FILIP1: variants seen among roughly 807,000 people sequenced by gnomAD.
The protein encoded by FILIP1 is filamin A interacting protein 1, also known as filamin-A-interacting protein 1.
A neutral mutation model predicts 102.1 loss-of-function variants in FILIP1; 61 were observed. That is an observed-to-expected ratio of 0.60 (90% confidence interval 0.49 to 0.74). The LOEUF (loss-of-function observed/expected upper bound fraction) is 0.74, where lower values mean the gene tolerates loss of function less well. Ranked by LOEUF, FILIP1 falls within the 30% of genes least tolerant of loss-of-function variation. The probability of loss-of-function intolerance (pLI) is 0.00; values close to 1 mark genes in which losing one functional copy is unlikely to be tolerated. For synonymous variants in FILIP1, 491 were observed against 526.9 expected (o/e 0.93, Z 0.93); for missense variants, 1,314 against 1,441.2 (o/e 0.91, Z 1.43).
chr6:75,435,562 T>A (rs1164926416), intron 1 of FILIP1, among the ~76,000 whole-genome samples: 1 of 152,190 alleles, frequency 6.6e-6, no homozygotes, highest in Non-Finnish European at 1.5e-5. Flanking sequence ...TTATGGCCTC[T>A]CAAACTCTGC....
At chr6:75,362,720 G>A (rs1383227193) in intron 3 of FILIP1, 24 bp downstream of exon 3, 1 of 1,607,130 alleles carries the variant, frequency 6.2e-7, no homozygotes, top group East Asian at 2.2e-5. Context: ...CCATCCAGGG[G>A]ACTTGTTGGT....
At chr6:75,337,808 G>A (rs796782045) in intron 4 of FILIP1, among the ~76,000 whole-genome samples, 2 of 152,170 alleles carry the variant, frequency 1.3e-5, no homozygotes, top group African/African-American at 2.4e-5. Context: ...TACAGATTCC[G>A]GGAGAAGTGA....
At position 75,308,954 on chromosome 6, in the gene FILIP1, A is replaced by G; in HGVS notation, c.3436-57T>C. 11 of 1,585,980 alleles carry G rather than the reference A, an allele frequency of 6.9e-6. 1 individual carries two copies. In the South Asian group the frequency reaches 1.2e-4, roughly 18 times the overall value. Reference sequence around the variant, plus strand: ...AGATGTTGGTGAGTTTCCTCTGGATATGCCATCAATCTGAACATTAGTGGG... The same window carrying G: ...AGATGTTGGTGAGTTTCCTCTGGATGTGCCATCAATCTGAACATTAGTGGG... On this transcript the variant is annotated intron_variant, in intron 5 of 5. Coordinates refer to ENST00000237172, the MANE Select transcript of FILIP1 (RefSeq NM_015687.5).
chr6:75,437,728 T>TCTGC (rs768811271), intron 1 of FILIP1, among the ~76,000 whole-genome samples: 10 of 152,154 alleles, frequency 6.6e-5, no homozygotes, highest in Non-Finnish European at 1.3e-4. Flanking sequence ...GAGAACATGT[T>TCTGC]TGAGCTGGGG....
rs894107026 is a variant in FILIP1, at chr6:75,326,642, C to T, written c.630-11440G>A. On this transcript the variant is annotated intron_variant, in intron 4 of 5. Transcript: ENST00000237172. ...TATTATTTCATTTAATTTTCATTCC[C>T]TTTGAGCAAGGCAATACTATACCAT... Among the ~76,000 whole-genome samples the T allele has an allele frequency of 3.9e-5, 6 of 152,262 alleles. No individual in the cohort carries two copies. In the East Asian group the frequency reaches 9.6e-4, roughly 24 times the overall value.
chr6:75,432,537 T>A (rs1777858791), intron 1 of FILIP1, among the ~76,000 whole-genome samples: 1 of 152,196 alleles, frequency 6.6e-6, no homozygotes, highest in African/African-American at 2.4e-5. Flanking sequence ...TCAACTTTTA[T>A]TTTAGTTTAT....
At chr6:75,419,963 G>C (rs1470394830) in intron 1 of FILIP1, among the ~76,000 whole-genome samples, 3 of 152,186 alleles carry the variant, frequency 2.0e-5, no homozygotes. Flanking sequence ...TAAAATATTT[G>C]TTTTACTTCT....
Position 75,312,926 on chromosome 6 carries a change from T to A in FILIP1, c.2906A>T (p.Asp969Val). 1.2e-6 allele frequency: 2 copies of A among 1,614,126 alleles called. No homozygotes were observed. Among genetic ancestry groups the A allele is most frequent in the South Asian group, 2.2e-5 (2 of 91,074 alleles). ...GGCTCGTTCTGGGCCAAGAGTAGTA[T>A]CTCCACTTTTTTGTTTTTGAGGCAT... is the stretch of plus-strand genomic sequence containing the variant. ...NVMPQKQKSG[D>V]TTLGPERAMS... The change falls in exon 5 of 6, where the codon GAT becomes GTT. Residue 969 changes from aspartate to valine, a missense_variant. Coordinates refer to ENST00000237172, the MANE Select transcript of FILIP1 (RefSeq NM_015687.5).
chr6:75,414,615 G>A lies in FILIP1; in HGVS notation c.276+82C>T. On this transcript the variant is annotated intron_variant, in intron 2 of 5. Coordinates refer to ENST00000237172, the MANE Select transcript of FILIP1 (RefSeq NM_015687.5). ...CTTTCCCCATAAAGTTCATTACTCA[G>A]AGAGGGGAACAGATTTACATTCTCT... 3 of 1,309,780 alleles carry A rather than the reference G, an allele frequency of 2.3e-6. No homozygotes were observed. The South Asian group carries it at 4.3e-5, about 19-fold the overall frequency. 81.1% of individuals were successfully genotyped at this position (1,309,780 alleles called of 1,614,324 possible).
At chr6:75,477,675 T>TA (rs1283424679) in intron 1 of FILIP1, among the ~76,000 whole-genome samples, 1 of 152,058 alleles carries the variant, frequency 6.6e-6, no homozygotes, top group Non-Finnish European at 1.5e-5. Context: ...CATGGGAAGT[T>TA]GAGTACAAGG....
chr6:75,491,418 T>C (rs1779953560), intron 1 of FILIP1, among the ~76,000 whole-genome samples: 1 of 152,096 alleles, frequency 6.6e-6, no homozygotes, highest in African/African-American at 2.4e-5. Context: ...TGGCAGCAAC[T>C]AGAAGTCCCA....
exon 7 of FILIP1, chr6:75,295,873 G>A: frequency 7.3e-7 from 1 of 1,375,762 alleles, no homozygotes; most frequent in South Asian, 1.7e-5. Flanking sequence ...GGATTCAGAG[G>A]TCGTACACAC....
At chr6:75,331,353 C>A (rs5008482) in intron 4 of FILIP1, among the ~76,000 whole-genome samples, 101,387 of 151,384 alleles carry the variant, frequency 0.67, 34,086 homozygotes, top group Middle Eastern at 0.74. Flanking sequence ...AGAGGGAACT[C>A]TCTGATTACA....
intron 1 of FILIP1, among the ~76,000 whole-genome samples, chr6:75,455,676 C>G (rs1183947473): frequency 6.6e-6 from 1 of 152,164 alleles, no homozygotes; most frequent in African/African-American, 2.4e-5. Context: ...TCATGCCATT[C>G]CCTTGCTCAA....
intron 2 of FILIP1, among the ~76,000 whole-genome samples, chr6:75,397,537 GAC>G (rs59797690): frequency 0.045 from 6,298 of 138,986 alleles, 200 homozygotes; most frequent in East Asian, 0.13. Flanking sequence ...ACACATATAA[GAC>G]ACACACACAC....
chr6:75,379,872 T>C (rs1775853510), intron 2 of FILIP1, among the ~76,000 whole-genome samples: 1 of 152,228 alleles, frequency 6.6e-6, no homozygotes, highest in African/African-American at 2.4e-5. Flanking sequence ...CTAGGGCTTT[T>C]CTTGTCTTTA....
chr6:75,300,610 A>G (rs1298000416), intron 6 of FILIP1, among the ~76,000 whole-genome samples: 1 of 152,210 alleles, frequency 6.6e-6, no homozygotes, highest in Non-Finnish European at 1.5e-5. Flanking sequence ...AATTAATCAC[A>G]GTTCTGTTAA....
downstream of FILIP1, among the ~76,000 whole-genome samples, chr6:75,307,752 C>T (rs1478451065): frequency 2.0e-5 from 3 of 152,264 alleles, no homozygotes; most frequent in Middle Eastern, 3.4e-3. Flanking sequence ...AAATCATGAA[C>T]TGGTTTTACA....
intron 1 of FILIP1, among the ~76,000 whole-genome samples, chr6:75,460,645 G>C (rs1562632469): frequency 2.0e-5 from 3 of 152,096 alleles, no homozygotes; most frequent in Admixed American, 6.6e-5. Context: ...TTAATACTGA[G>C]GTGAAAAGTT....
Sources: gnomAD v4.1 joint callset for allele counts (sites outside exome capture counted in the v4.1 genomes callset) on GRCh38, gnomAD v4.1.1 for gene constraint, MANE v1.5 for transcripts, NCBI Gene and HGNC (gene_info 2026-07-23, HGNC 2026-07-21) for gene names.